ACCSL: variants seen among roughly 807,000 people sequenced by gnomAD.
ACCSL encodes probable inactive 1-aminocyclopropane-1-carboxylate synthase-like protein 2.
In ACCSL, 55 loss-of-function variants were observed where a neutral mutation model predicts 61.7. The ratio of observed to expected loss-of-function variants is 0.89; its 90% CI spans 0.72 to 1.12. The LOEUF (loss-of-function observed/expected upper bound fraction) is 1.12, where lower values mean the gene tolerates loss of function less well. Ranked by LOEUF, ACCSL falls within the 50% of genes most tolerant of loss-of-function variation. ACCSL has a pLI of 0.00. For missense variants in ACCSL, 632 were observed against 698.0 expected (o/e 0.91, Z 1.07); for synonymous variants, 258 against 264.3 (o/e 0.98, Z 0.23).
chr11:43,961,135 T>A, the ACCSL span, among the ~76,000 whole-genome samples: 2 of 152,198 alleles, frequency 1.3e-5, no homozygotes, highest in Non-Finnish European at 2.9e-5. Flanking sequence ...ACCTAGTTTT[T>A]AATTTATTTT....
chr11:44,000,456 T>C, the ACCSL span, among the ~76,000 whole-genome samples: 6 of 149,394 alleles, frequency 4.0e-5, no homozygotes, highest in African/African-American at 1.5e-4. Flanking sequence ...AAAAGCCTGT[T>C]GCAGTGTGGC....
intron 2 of ACCSL, 54 bp from the exon 3 acceptor site, chr11:44,050,498 G>A (rs1952629808): frequency 4.6e-6 from 7 of 1,506,946 alleles, no homozygotes; most frequent in Non-Finnish European, 6.4e-6. Context: ...GGAGTAGAAT[G>A]AGGCCTCTTG....
chr11:43,929,028 C>T, the ACCSL span, among the ~76,000 whole-genome samples: 1 of 152,222 alleles, frequency 6.6e-6, no homozygotes, highest in African/African-American at 2.4e-5. Context: ...AGACCTGGTT[C>T]TAGTTCCAGC....
At chr11:43,961,716 T>TC in the ACCSL span, among the ~76,000 whole-genome samples, 2 of 127,964 alleles carry the variant, frequency 1.6e-5, no homozygotes, top group Non-Finnish European at 3.6e-5. Flanking sequence ...TCTCTCTCTC[T>TC]TTCTCTTTCT....
chr11:43,993,059 G>A, the ACCSL span, among the ~76,000 whole-genome samples: 1 of 144,396 alleles, frequency 6.9e-6, no homozygotes, highest in African/African-American at 2.4e-5. Context: ...TTCTGTTTGT[G>A]TGCTAGAGCG....
intron 8 of ACCSL, among the ~76,000 whole-genome samples, chr11:44,054,092 ACTTAAG>A (rs1377724530): frequency 2.0e-5 from 3 of 152,218 alleles, no homozygotes; most frequent in African/African-American, 7.2e-5. Context: ...TTACTTCTCT[ACTTAAG>A]CTTAAGTACT....
At chr11:43,982,138 G>A in the ACCSL span, among the ~76,000 whole-genome samples, 44 of 152,018 alleles carry the variant, frequency 2.9e-4, no homozygotes, top group Admixed American at 6.5e-4. Context: ...AGGTGGCCGC[G>A]GCTCAGCTGG....
rs965426620 is a variant in ACCSL at position 44,051,590 on chromosome 11, C to G, written c.706-63C>G. The G allele has an allele frequency of 2.5e-6, 4 of 1,599,248 alleles. No homozygotes were observed. The Middle Eastern group carries it at 5.0e-4, about 199-fold the overall frequency. ...GTTCTGCCCAGGGGGATGGAGAAAG[C>G]ATGGCTACCCCTTCTCACATAGGTA... On this transcript the variant is annotated intron_variant, in intron 4 of 13. Coordinates refer to ENST00000378832, the MANE Select transcript of ACCSL (RefSeq NM_001031854.2).
the ACCSL span, among the ~76,000 whole-genome samples, chr11:43,988,104 A>C: frequency 1.3e-5 from 2 of 152,058 alleles, no homozygotes; most frequent in Non-Finnish European, 2.9e-5. Context: ...TTCTTCTGTG[A>C]ACTTGATCCT....
the ACCSL span, among the ~76,000 whole-genome samples, chr11:43,927,991 C>G: frequency 1.3e-5 from 2 of 152,186 alleles, no homozygotes; most frequent in Non-Finnish European, 2.9e-5. Flanking sequence ...GAAAGTGGAA[C>G]AAGGGGTCCT....
the ACCSL span, among the ~76,000 whole-genome samples, chr11:43,990,534 CTT>C: frequency 1.2e-4 from 19 of 152,188 alleles, no homozygotes; most frequent in Non-Finnish European, 2.5e-4. Context: ...AGCCCCTCCT[CTT>C]AATACTATCA....
At chr11:44,032,161 C>A in the ACCSL span, among the ~76,000 whole-genome samples, 1 of 152,248 alleles carries the variant, frequency 6.6e-6, no homozygotes, top group Admixed American at 6.5e-5. Flanking sequence ...TTCTGCTTCA[C>A]ATGGCATTGC....
chr11:43,964,171 G>A, the ACCSL span, among the ~76,000 whole-genome samples: 5 of 152,164 alleles, frequency 3.3e-5, no homozygotes, highest in Non-Finnish European at 1.5e-5. Context: ...GTGGCCAGGC[G>A]CGGTGGCTCA....
the ACCSL span, among the ~76,000 whole-genome samples, chr11:44,039,512 G>A: frequency 6.6e-6 from 1 of 152,190 alleles, no homozygotes; most frequent in East Asian, 1.9e-4. Context: ...GGGAAAGGAT[G>A]GGAAGGGGGT....
chr11:43,959,755 G>A, the ACCSL span, among the ~76,000 whole-genome samples: 4 of 152,308 alleles, frequency 2.6e-5, no homozygotes, highest in African/African-American at 9.6e-5. Flanking sequence ...GGCAGGGTTT[G>A]TAGAGACCAG....
At chr11:43,937,200 G>T in the ACCSL span, among the ~76,000 whole-genome samples, 1 of 152,194 alleles carries the variant, frequency 6.6e-6, no homozygotes, top group Non-Finnish European at 1.5e-5. Context: ...AGGGACCTCT[G>T]CATGCCAGCT....
chr11:43,990,427 G>A, the ACCSL span, among the ~76,000 whole-genome samples: 4 of 152,152 alleles, frequency 2.6e-5, no homozygotes, highest in East Asian at 1.9e-4. Flanking sequence ...CCGTTTCCTC[G>A]CGAGGTAGAA....
chr11:43,976,642 C>T, the ACCSL span, among the ~76,000 whole-genome samples: 1 of 152,126 alleles, frequency 6.6e-6, no homozygotes, highest in East Asian at 1.9e-4. Context: ...TGCCATTTTC[C>T]ATGCTGGAGT....
chr11:43,952,597 C>G, the ACCSL span, among the ~76,000 whole-genome samples: 1 of 152,286 alleles, frequency 6.6e-6, no homozygotes, highest in South Asian at 2.1e-4. Flanking sequence ...GCATGCAGCC[C>G]CCAGTCACAT....
Sources: allele counts gnomAD v4.1 joint callset (sites outside exome capture counted in the v4.1 genomes callset), GRCh38; gene constraint gnomAD v4.1.1; transcripts MANE v1.5; gene names NCBI Gene and HGNC (gene_info 2026-07-23, HGNC 2026-07-21).